PSMD14: variants seen among roughly 807,000 people sequenced by gnomAD.
PSMD14 encodes proteasome 26S subunit, non-ATPase 14, also known as ubiquitin C-terminal hydrolase PSMD14.
A neutral mutation model predicts 41.2 loss-of-function variants in PSMD14; 7 were observed. That is an observed-to-expected ratio of 0.17 (90% CI 0.10 to 0.32). PSMD14 has a LOEUF of 0.32. PSMD14 is among the 10% of genes least tolerant of loss of function. The pLI, the probability that PSMD14 is intolerant of heterozygous loss-of-function variation, is 1.00. For missense variants in PSMD14, 139 were observed against 375.6 expected, an observed-to-expected ratio of 0.37 and a Z score of 5.21; for synonymous variants, 114 against 122.3, an observed-to-expected ratio of 0.93 and a Z score of 0.45.
At chr2:161,395,352 T>C (rs904418948) in intron 10 of PSMD14, 149 bp downstream of exon 10, 12 of 750,464 alleles carry the variant, frequency 1.6e-5, no homozygotes, top group African/African-American at 3.6e-5. Context: ...GGTCTGCAAC[T>C]ACTCACCCTT....
intron 3 of PSMD14, chr2:161,340,858 TC>T: frequency 6.2e-7 from 1 of 1,613,932 alleles, no homozygotes; most frequent in Non-Finnish European, 8.5e-7. Context: ...TCTTTGGTCA[TC>T]ATCTTCTCGT....
At position 161,389,889 on chromosome 2, in the gene PSMD14, G is replaced by GTTGTTTTTTTTT; in HGVS notation, c.571-1213_571-1212insGTTTTTTTTTTT. Reference sequence around the variant, plus strand: ...TGTCTTATTTTCTTTCTTTTTTGTTGTTTTTTTTTTTTTTTTTTTTTTTAG... The same window carrying GTTGTTTTTTTTT: ...TGTCTTATTTTCTTTCTTTTTTGTTGTTGTTTTTTTTTTTTTTTTTTTTTTTTTTTTTTTTAG... On this transcript the variant is annotated intron_variant, in intron 8 of 11. Coordinates refer to ENST00000409682, the MANE Select transcript of PSMD14 (RefSeq NM_005805.6). 8.6e-3 allele frequency among the ~76,000 whole-genome samples: 173 copies of GTTGTTTTTTTTT among 20,030 alleles called. 26 individuals carry two copies. Among genetic ancestry groups the GTTGTTTTTTTTT allele is most frequent in the Non-Finnish European group, 0.012 (121 of 9,748 alleles). 13.1% of individuals were successfully genotyped at this position (20,030 alleles called of 152,430 possible). A position where few individuals can be genotyped will look rare whatever the true frequency, so the allele number is the denominator to read the frequency against.
intron 3 of PSMD14, among the ~76,000 whole-genome samples, chr2:161,328,716 A>T (rs555050346): frequency 6.6e-6 from 1 of 152,142 alleles, no homozygotes; most frequent in Non-Finnish European, 1.5e-5. Context: ...ATTTTATTTA[A>T]ATTTATATGG....
chr2:161,327,946 C>CTGTGTGTG (rs369674882), intron 3 of PSMD14, among the ~76,000 whole-genome samples: 25,138 of 116,896 alleles, frequency 0.22, 3,317 homozygotes, highest in Admixed American at 0.32. Flanking sequence ...CTCATGTAAG[C>CTGTGTGTG]TGTGTGTGTG....
chr2:161,375,281 G>A (rs1683488330), intron 7 of PSMD14, among the ~76,000 whole-genome samples: 1 of 151,958 alleles, frequency 6.6e-6, no homozygotes, highest in Admixed American at 6.6e-5. Context: ...ATTATATACT[G>A]ATAACCTACA....
intron 3 of PSMD14, chr2:161,341,129 G>A: frequency 7.8e-7 from 1 of 1,278,568 alleles, no homozygotes; most frequent in Non-Finnish European, 9.9e-7. Flanking sequence ...CCGCGGGCGA[G>A]GCCGCCGGCT....
intron 9 of PSMD14, among the ~76,000 whole-genome samples, chr2:161,392,937 T>C (rs2194729): frequency 0.91 from 138,861 of 152,114 alleles, 63,431 homozygotes; most frequent in East Asian, 1. Flanking sequence ...TTTTCTTTCT[T>C]TTTTTTTGGG....
chr2:161,391,101 T>C lies in PSMD14; in HGVS notation c.571-3T>C. The C allele has an allele frequency of 6.7e-7, 1 of 1,501,458 alleles. No homozygotes were observed. Among genetic ancestry groups the C allele is most frequent in the Admixed American group, 2.4e-5 (1 of 41,546 alleles). The allele number at this position is 1,501,458 out of a possible 1,614,324, so 93.0% of individuals were successfully genotyped here. A position where few individuals can be genotyped will look rare whatever the true frequency, so the allele number is the denominator to read the frequency against. The stretch of plus-strand genomic sequence containing the variant: ...TCCTTTTTAAAATCATTTATCTATA[T>C]AGGCATTAATTCATGGACTAAACAG... On this transcript the variant is annotated splice_region_variant and splice_polypyrimidine_tract_variant and intron_variant, in intron 8 of 11. Transcript: ENST00000409682.
At chr2:161,342,313 C>T (rs1574122775) in intron 3 of PSMD14, among the ~76,000 whole-genome samples, 1 of 151,990 alleles carries the variant, frequency 6.6e-6, no homozygotes, top group Middle Eastern at 3.4e-3. Flanking sequence ...AAGTTCCCTG[C>T]TATTCCTACT....
chr2:161,311,625 C>CTTTTT (rs34635738), intron 1 of PSMD14, among the ~76,000 whole-genome samples: 12 of 58,572 alleles, frequency 2.0e-4, no homozygotes, highest in Non-Finnish European at 2.5e-4. Context: ...CTCACTCTTC[C>CTTTTT]TTTTTTTTTT....
At chr2:161,387,343 GATCTTT>G (rs1683647212) in intron 8 of PSMD14, among the ~76,000 whole-genome samples, 1 of 151,992 alleles carries the variant, frequency 6.6e-6, no homozygotes, top group Non-Finnish European at 1.5e-5. Flanking sequence ...ATGTTAGCAG[GATCTTT>G]AACTCTGGGA....
intron 3 of PSMD14, among the ~76,000 whole-genome samples, chr2:161,350,406 A>C (rs1015502863): frequency 6.6e-6 from 1 of 152,248 alleles, no homozygotes; most frequent in Admixed American, 6.5e-5. Context: ...ATTTATACCA[A>C]GAAGGAAGTT....
At chr2:161,329,975 G>A (rs1312017260) in intron 3 of PSMD14, among the ~76,000 whole-genome samples, 1 of 152,074 alleles carries the variant, frequency 6.6e-6, no homozygotes. Flanking sequence ...ATTTTCCATA[G>A]GTACATGATA....
intron 7 of PSMD14, among the ~76,000 whole-genome samples, chr2:161,377,924 C>A (rs1453736632): frequency 1.3e-5 from 2 of 151,902 alleles, no homozygotes. Flanking sequence ...ACGATCTACT[C>A]CCTGTCCTTA....
In PSMD14 at chr2:161,344,565, C is replaced by T. The variant is rs534438984; in HGVS notation, c.49-22913C>T. ...GAAAGTGTCATATTGTTTTTCACAG[C>T]GAATGATTATCTTTTAAAGAGAGTT... On this transcript the variant is annotated intron_variant, in intron 3 of 11. Transcript: ENST00000409682. 5.9e-5 allele frequency among the ~76,000 whole-genome samples: 9 copies of T among 152,172 alleles called. No homozygotes were observed. In the East Asian group the frequency reaches 7.7e-4, roughly 13 times the overall value.
intron 11 of PSMD14, 99 bp downstream of exon 11, chr2:161,408,998 C>G: frequency 1.2e-6 from 1 of 861,978 alleles, no homozygotes; most frequent in South Asian, 1.7e-5. Flanking sequence ...CCTGTCCACT[C>G]TATGTTTTTC....
intron 3 of PSMD14, among the ~76,000 whole-genome samples, chr2:161,342,095 A>C: frequency 6.6e-6 from 1 of 152,224 alleles, no homozygotes. Flanking sequence ...GTGGATATCC[A>C]GTTACTACAG....
At chr2:161,411,083 T>C (rs1291664558) in intron 11 of PSMD14, among the ~76,000 whole-genome samples, 3 of 152,172 alleles carry the variant, frequency 2.0e-5, no homozygotes, top group Non-Finnish European at 4.4e-5. Flanking sequence ...ATTGTATAAA[T>C]CAAGCTTTCA....
chr2:161,391,328 A>C (rs1321982544), intron 9 of PSMD14, 150 bp downstream of exon 9: 1 of 880,886 alleles, frequency 1.1e-6, no homozygotes, highest in Admixed American at 3.5e-5. Context: ...GCACAAAATA[A>C]GGGAATATTT....
Sources: gnomAD v4.1 joint callset for allele counts (sites outside exome capture counted in the v4.1 genomes callset) on GRCh38, gnomAD v4.1.1 for gene constraint, MANE v1.5 for transcripts, NCBI Gene and HGNC (gene_info 2026-07-23, HGNC 2026-07-21) for gene names.